Variants in CAMTA1 observed in about 807,000 individuals in gnomAD.
CAMTA1 encodes the protein calmodulin-binding transcription activator 1.
Under a neutral mutation model 170.9 loss-of-function variants are expected in CAMTA1, and 27 were observed. The observed-to-expected ratio is 0.16, with a 90% CI of 0.12 to 0.22. The LOEUF is 0.22. Ranked by LOEUF, CAMTA1 falls within the 10% of genes least tolerant of loss-of-function variation. The pLI is 1.00. For missense variants in CAMTA1, 1,619 were observed against 2,217.2 expected (o/e 0.73, Z 5.42); for synonymous variants, 833 against 891.5 (o/e 0.93, Z 1.17).
intron 4 of CAMTA1, among the ~76,000 whole-genome samples, chr1:7,208,705 A>G (rs1396672571): frequency 6.6e-6 from 1 of 152,168 alleles, no homozygotes; most frequent in Non-Finnish European, 1.5e-5. Flanking sequence ...AGCCTTGAAG[A>G]GTGGGAAGGC....
At chr1:6,841,640 T>C (rs1254815373) in intron 3 of CAMTA1, among the ~76,000 whole-genome samples, 1 of 151,966 alleles carries the variant, frequency 6.6e-6, no homozygotes, top group African/African-American at 2.4e-5. Flanking sequence ...AGAGGACAGC[T>C]CTGAGAGGAT....
rs1333150312 is a variant in CAMTA1, at chr1:7,276,289, ATATATATATATATAT to A, written c.438+26665_438+26679del. On this transcript the variant is annotated intron_variant, in intron 5 of 22. Coordinates refer to ENST00000303635, the MANE Select transcript of CAMTA1 (RefSeq NM_015215.4). ...AGCCTACACCTGATCATATATATAT[ATATATATATATATAT>A]TTTTTTTTTTTTTTTTTCTTTTTGA... 6.8e-3 allele frequency among the ~76,000 whole-genome samples: 366 copies of A among 53,506 alleles called. 15 individuals carry two copies. Among genetic ancestry groups the A allele is most frequent in the Admixed American group, 0.022 (97 of 4,426 alleles). 35.1% of individuals were successfully genotyped at this position (53,506 alleles called of 152,430 possible). A position where few individuals can be genotyped will look rare whatever the true frequency, so the allele number is the denominator to read the frequency against.
chr1:7,597,134 C>T lies in CAMTA1; in HGVS notation c.511-43266C>T, dbSNP rs78424826. On this transcript the variant is annotated intron_variant, in intron 6 of 22. Coordinates refer to ENST00000303635, the MANE Select transcript of CAMTA1 (RefSeq NM_015215.4). ...CACGAGCCCACTTACCCAGTGGACA[C>T]GAGCCCACTGAGTAGGCAAGGGTCT... Among the ~76,000 whole-genome samples the T allele has an allele frequency of 7.2e-5, 11 of 152,302 alleles. No homozygotes were observed. In the East Asian group the frequency reaches 1.2e-3, roughly 16 times the overall value.
At position 7,093,871 on chromosome 1, in the gene CAMTA1, G is replaced by A. The variant is rs1231899801; in HGVS notation, c.302+2500G>A. Among the ~76,000 whole-genome samples the A allele has an allele frequency of 6.6e-6, 1 of 152,172 alleles. No individual in the cohort carries two copies. Among genetic ancestry groups the A allele is most frequent in the Non-Finnish European group, 1.5e-5 (1 of 68,040 alleles). ...CATCTTAGCTCCTTTAAAAGCCCTGGTTTTTCTTCTTCATATAGAAAATGG... is the reference window on the plus strand; with the variant it reads ...CATCTTAGCTCCTTTAAAAGCCCTGATTTTTCTTCTTCATATAGAAAATGG... On this transcript the variant is annotated intron_variant, in intron 4 of 22. Transcript: ENST00000303635. This position sits in a 1 kb window ranked among gnomAD's most constrained non-coding sequence, Gnocchi z 4.6.
At chr1:7,430,451 G>A (rs1183699318) in intron 5 of CAMTA1, among the ~76,000 whole-genome samples, 3 of 152,034 alleles carry the variant, frequency 2.0e-5, no homozygotes, top group South Asian at 2.1e-4. Flanking sequence ...TGATAATAAC[G>A]ATGGTGATGG....
chr1:6,855,847 C>T (rs1252690711), intron 3 of CAMTA1, among the ~76,000 whole-genome samples: 3 of 152,156 alleles, frequency 2.0e-5, no homozygotes, highest in Non-Finnish European at 4.4e-5. Context: ...GTAGAGTCTG[C>T]AAGGAAGAGT....
chr1:7,623,895 C>A (rs1319176080), intron 6 of CAMTA1, among the ~76,000 whole-genome samples: 1 of 152,258 alleles, frequency 6.6e-6, no homozygotes, highest in African/African-American at 2.4e-5. Context: ...TAGCTAACAT[C>A]TCTTAACAGC....
At chr1:7,296,835 A>T (rs1203103468) in intron 5 of CAMTA1, among the ~76,000 whole-genome samples, 1 of 152,036 alleles carries the variant, frequency 6.6e-6, no homozygotes, top group Non-Finnish European at 1.5e-5. Context: ...AGTATAAAGG[A>T]GAGAAAATGA....
chr1:7,356,430 C>T (rs916235129), intron 5 of CAMTA1, among the ~76,000 whole-genome samples: 2 of 152,258 alleles, frequency 1.3e-5, no homozygotes, highest in African/African-American at 4.8e-5. Context: ...GAAGCCACAC[C>T]AGGTGATCTT....
At chr1:7,122,228 GTCCCTGTCA>G (rs1267060094) in intron 4 of CAMTA1, among the ~76,000 whole-genome samples, 1 of 151,930 alleles carries the variant, frequency 6.6e-6, no homozygotes, top group Non-Finnish European at 1.5e-5. Context: ...TGTCCCCACT[GTCCCTGTCA>G]TCCCTGTCTT....
intron 7 of CAMTA1, among the ~76,000 whole-genome samples, chr1:7,654,856 A>C (rs566569651): frequency 9.3e-4 from 136 of 146,984 alleles, no homozygotes; most frequent in African/African-American, 2.9e-3. Context: ...CCACCTGTAC[A>C]CATACCCACC....
chr1:6,835,185 A>G (rs537965693), intron 3 of CAMTA1, among the ~76,000 whole-genome samples: 9 of 152,308 alleles, frequency 5.9e-5, no homozygotes, highest in East Asian at 5.8e-4. Context: ...TTAATATGCT[A>G]TTTCCTGAAA....
chr1:6,807,741 T>C (rs912135711), intron 1 of CAMTA1, among the ~76,000 whole-genome samples: 1 of 151,742 alleles, frequency 6.6e-6, no homozygotes, highest in African/African-American at 2.4e-5. Flanking sequence ...AAAAAAATTA[T>C]TTCTTTGTGA....
chr1:6,968,173 C>T lies in CAMTA1; in HGVS notation c.235-123131C>T, dbSNP rs115745354. Reference sequence around the variant, plus strand: ...CCCAGATGGCACCCTCAGGAGCAGTCGGCTGTCCGCTTGGTGTGCCGAGAA... The same window carrying T: ...CCCAGATGGCACCCTCAGGAGCAGTTGGCTGTCCGCTTGGTGTGCCGAGAA... On this transcript the variant is annotated intron_variant, in intron 3 of 22. Transcript: ENST00000303635. Among the ~76,000 whole-genome samples, 562 of 152,278 alleles carry T rather than the reference C, an allele frequency of 3.7e-3. 5 individuals are homozygous for T. Among genetic ancestry groups the T allele is most frequent in the African/African-American group, 0.012 (493 of 41,556 alleles).
At position 7,374,098 on chromosome 1, in the gene CAMTA1, G is replaced by C. The variant is rs1237449338; in HGVS notation, c.439-93732G>C. Among the ~76,000 whole-genome samples the C allele has an allele frequency of 2.0e-5, 3 of 152,218 alleles. No individual in the cohort carries two copies. The South Asian group carries it at 6.2e-4, about 32-fold the overall frequency. ...CAACCACAGCCTGTGGTGGAAGTCC[G>C]GAGTTAGTACACGTCATTGACAAAT... On this transcript the variant is annotated intron_variant, in intron 5 of 22. Transcript: ENST00000303635.
At chr1:7,440,671 G>A (rs2092499116) in intron 5 of CAMTA1, among the ~76,000 whole-genome samples, 2 of 152,168 alleles carry the variant, frequency 1.3e-5, no homozygotes, top group African/African-American at 4.8e-5. Flanking sequence ...CCCAGCACCT[G>A]GAAGCTGCGG....
chr1:7,258,481 C>T (rs773414211), intron 5 of CAMTA1, among the ~76,000 whole-genome samples: 1 of 152,222 alleles, frequency 6.6e-6, no homozygotes, highest in South Asian at 2.1e-4. Flanking sequence ...ATACCACTGT[C>T]GAAATTCACC....
intron 11 of CAMTA1, among the ~76,000 whole-genome samples, chr1:7,719,531 T>G (rs1334820336): frequency 6.6e-6 from 1 of 152,248 alleles, no homozygotes; most frequent in Non-Finnish European, 1.5e-5. Flanking sequence ...GCATTGCTCA[T>G]TGCCATTTCT....
intron 4 of CAMTA1, among the ~76,000 whole-genome samples, chr1:7,101,791 C>T (rs1463259735): frequency 6.9e-6 from 1 of 145,806 alleles, no homozygotes; most frequent in Non-Finnish European, 1.5e-5. Flanking sequence ...ACACACAATA[C>T]ATGTGTGCAC....
Sources: gnomAD v4.1 joint callset for allele counts (sites outside exome capture counted in the v4.1 genomes callset) on GRCh38, gnomAD v4.1.1 for gene constraint, Gnocchi (gnomAD v3.1) non-coding constraint, MANE v1.5 for transcripts, NCBI Gene and HGNC (gene_info 2026-07-23, HGNC 2026-07-21) for gene names.